CRYM: variants seen among roughly 807,000 people sequenced by gnomAD.
CRYM encodes ketimine reductase mu-crystallin.
Under a neutral mutation model 32.9 loss-of-function variants are expected in CRYM, and 18 were observed. The observed-to-expected ratio is 0.55, with a 90% confidence interval of 0.38 to 0.81. The LOEUF (loss-of-function observed/expected upper bound fraction) is 0.81. Ranked by LOEUF, CRYM falls within the 30% of genes least tolerant of loss-of-function variation. CRYM has a pLI of 0.00. For missense variants in CRYM, 337 were observed against 393.5 expected (o/e 0.86, Z 1.21); for synonymous variants, 153 against 152.4 (o/e 1.00, Z -0.03).
At chr16:21,302,743 C>T (rs1347326049) in intron 1 of CRYM, among the ~76,000 whole-genome samples, 1 of 152,146 alleles carries the variant, frequency 6.6e-6, no homozygotes, top group Non-Finnish European at 1.5e-5. Flanking sequence ...GGACCGTCTT[C>T]CTTGATGATT....
chr16:21,270,271 TTTTC>T (rs1214276665), intron 3 of CRYM, among the ~76,000 whole-genome samples: 9 of 151,718 alleles, frequency 5.9e-5, no homozygotes, highest in East Asian at 3.9e-4. Flanking sequence ...ATTTATTTCT[TTTTC>T]TTTCTTTCTT....
At position 21,258,561 on chromosome 16, in the gene CRYM, G is replaced by A; in HGVS notation, c.*220C>T. ...TGCTTTATTTCAGGGAAATATAAAG[G>A]GAAATGAATGCTATTATAACTTGGT... On this transcript the variant is annotated 3_prime_UTR_variant, in exon 8 of 8. Coordinates refer to ENST00000572914, the MANE Select transcript of CRYM (RefSeq NM_001376256.1). 5.1e-6 allele frequency: 3 copies of A among 589,800 alleles called. No homozygotes were observed. Among genetic ancestry groups the A allele is most frequent in the Non-Finnish European group, 9.1e-6 (3 of 331,444 alleles). The allele number at this position is 589,800 out of a possible 1,614,324, so 36.5% of individuals were successfully genotyped here.
At chr16:21,279,905 G>T (rs989459041), upstream of CRYM, among the ~76,000 whole-genome samples, 2 of 151,464 alleles carry the variant, frequency 1.3e-5, no homozygotes, top group African/African-American at 4.8e-5. Context: ...GAGAGAGAAA[G>T]AGAGAGAGAG....
At position 21,278,197 on chromosome 16, in the gene CRYM, T is replaced by A. The variant is rs1276629570; in HGVS notation, c.55A>T (p.Ser19Cys). Residue 19 changes from serine (S) to cysteine (C), a missense_variant, in exon 1 of 8, where the codon AGC becomes TGC. Transcript: ENST00000572914. ...SAAEVEEHLRSSSLLIPPLET... is the reference protein window; with the variant it reads ...SAAEVEEHLRCSSLLIPPLET... ...AGAGGCGGGATGAGGAGGCTGGAGC[T>A]GCGGAGGTGTTCCTCCACCTCGGCC... The A allele has an allele frequency of 1.3e-6, 2 of 1,555,682 alleles. No homozygotes were observed. The highest frequency in any genetic ancestry group is 1.9e-5 in the Admixed American group (1 of 51,942).
In CRYM at chr16:21,275,536, G is replaced by A. The variant is rs2093384537; in HGVS notation, c.383C>T (p.Thr128Ile). The A allele has an allele frequency of 1.2e-6, 2 of 1,613,760 alleles. No individual in the cohort carries two copies. The part of the protein sequence containing the change: ...KRTAAVSAIA[T>I]KFLKPPSSEV... ...ACAGCCAGCCATTCATCTTACCTTG[G>A]TGGCAATGGCAGAAACTGCAGCTGT... Residue 128 changes from threonine (T) to isoleucine (I), a missense_variant, in exon 3 of 8, where the codon ACC becomes ATC. By Grantham distance (89) the Thr-to-Ile change is moderately conservative (BLOSUM62 -1). Transcript: ENST00000572914.
At chr16:21,268,955 C>G (rs2093369352) in intron 4 of CRYM, among the ~76,000 whole-genome samples, 1 of 151,938 alleles carries the variant, frequency 6.6e-6, no homozygotes, top group African/African-American at 2.4e-5. Context: ...ACTAGCCTGG[C>G]CAACATGGTG....
intron 1 of CRYM, among the ~76,000 whole-genome samples, chr16:21,284,512 C>G (rs989202867): frequency 2.0e-5 from 3 of 152,156 alleles, no homozygotes; most frequent in Non-Finnish European, 4.4e-5. Flanking sequence ...AATTGCCAAT[C>G]TACTTTTTTG....
intron 5 of CRYM, among the ~76,000 whole-genome samples, chr16:21,263,440 C>T (rs1597613838): frequency 6.6e-6 from 1 of 152,206 alleles, no homozygotes; most frequent in South Asian, 2.1e-4. Context: ...GCCTCAAACT[C>T]CTGAGCTCAA....
At chr16:21,264,138 C>T (rs574979279) in intron 5 of CRYM, among the ~76,000 whole-genome samples, 10 of 152,330 alleles carry the variant, frequency 6.6e-5, no homozygotes, top group South Asian at 4.1e-4. Context: ...TGTTCCCTCC[C>T]GTTCTGTTCT....
chr16:21,288,047 G>T (rs1038079835), intron 1 of CRYM, among the ~76,000 whole-genome samples: 1 of 152,158 alleles, frequency 6.6e-6, no homozygotes, highest in Non-Finnish European at 1.5e-5. Context: ...AGCAACAAAT[G>T]AGTCAAATAA....
intron 3 of CRYM, among the ~76,000 whole-genome samples, chr16:21,270,946 A>C (rs1474458802): frequency 6.6e-6 from 1 of 152,202 alleles, no homozygotes; most frequent in East Asian, 1.9e-4. Flanking sequence ...GATAGAATGC[A>C]CCAGGCCATA....
chr16:21,290,431 GGACACATCT>G (rs1960612774), intron 1 of CRYM, among the ~76,000 whole-genome samples: 1 of 151,974 alleles, frequency 6.6e-6, no homozygotes, highest in African/African-American at 2.4e-5. Context: ...AAGAAACTCG[GGACACATCT>G]GAACATCTGA....
Position 21,277,575 on chromosome 16 carries a change from C to A in CRYM, c.180G>T (p.Gly60=), listed in dbSNP as rs1265834217. 6.2e-7 allele frequency: 1 copy of A among 1,613,688 alleles called. No individual in the cohort carries two copies. Among genetic ancestry groups the A allele is most frequent in the Non-Finnish European group, 8.5e-7 (1 of 1,179,992 alleles). Residue 60 remains glycine (G), a synonymous_variant, in exon 2 of 8, where the codon GGG becomes GGT. Transcript: ENST00000572914. This position sits in a 1 kb window ranked among gnomAD's most constrained non-coding sequence, Gnocchi z 4.2. Reference sequence around the variant, plus strand: ...CTGCAGCACTGTAGGCGGGCATGACCCCCAGGTAGCTACAAGGAGAGAGGG... The same window carrying A: ...CTGCAGCACTGTAGGCGGGCATGACACCCAGGTAGCTACAAGGAGAGAGGG... ...VPVTKHRGYL[G]VMPAYSAAED...
chr16:21,261,359 G>A, intron 6 of CRYM, 21 bp from the exon 7 acceptor site: 1 of 1,604,292 alleles, frequency 6.2e-7, no homozygotes, highest in Non-Finnish European at 8.5e-7. Context: ...AACATACGCT[G>A]ACCCAGGCAT....
At chr16:21,270,726 C>A (rs1458203137) in intron 3 of CRYM, among the ~76,000 whole-genome samples, 1 of 152,182 alleles carries the variant, frequency 6.6e-6, no homozygotes, top group Non-Finnish European at 1.5e-5. Flanking sequence ...TAAGAGCTGC[C>A]TGGATTCTGT....
chr16:21,272,162 C>A (rs776374714), intron 3 of CRYM, among the ~76,000 whole-genome samples: 1 of 151,972 alleles, frequency 6.6e-6, no homozygotes, highest in African/African-American at 2.4e-5. Context: ...TGCACCCAGC[C>A]GATTTTTAAT....
exon 1 of CRYM, chr16:21,303,046 G>C (rs1960993038): frequency 6.6e-6 from 1 of 152,450 alleles, no homozygotes; most frequent in South Asian, 2.1e-4. Flanking sequence ...CATAGTGGCA[G>C]ACAAGAAAGC....
Position 21,275,615 on chromosome 16 carries a change from G to A in CRYM, c.325-21C>T, listed in dbSNP as rs543824679. On this transcript the variant is annotated intron_variant, in intron 2 of 7. Transcript: ENST00000572914. ...ATGACCTTGGAGGAAAAGAGAGACA[G>A]TGAGCAAGGGGAACCCCTGTCCACT... 2.5e-6 allele frequency: 4 copies of A among 1,598,176 alleles called. No individual in the cohort carries two copies. In the Admixed American group the frequency reaches 5.0e-5, roughly 20 times the overall value.
At chr16:21,266,505 C>T (rs1366352823) in intron 5 of CRYM, among the ~76,000 whole-genome samples, 2 of 152,124 alleles carry the variant, frequency 1.3e-5, no homozygotes, top group African/African-American at 2.4e-5. Flanking sequence ...CCCAGGCACC[C>T]TCATGTCTAG....
Sources: gnomAD v4.1 joint callset for allele counts (sites outside exome capture counted in the v4.1 genomes callset) on GRCh38, gnomAD v4.1.1 for gene constraint, Gnocchi (gnomAD v3.1) non-coding constraint, MANE v1.5 for transcripts, NCBI Gene and HGNC (gene_info 2026-07-23, HGNC 2026-07-21) for gene names.